SNAP91: variants seen among roughly 807,000 people sequenced by gnomAD.
SNAP91 encodes the protein synaptosome associated protein 91, also known as clathrin coat assembly protein AP180.
Under a neutral mutation model 100.3 loss-of-function variants are expected in SNAP91, and 27 were observed. That is an observed-to-expected ratio of 0.27 (90% CI 0.20 to 0.37). SNAP91 has a LOEUF of 0.37. Ranked by LOEUF, SNAP91 falls within the 10% of genes least tolerant of loss-of-function variation. The pLI, the probability that SNAP91 is intolerant of heterozygous loss-of-function variation, is 1.00. For synonymous variants in SNAP91, 404 were observed against 398.6 expected (o/e 1.01, Z -0.16); for missense variants, 986 against 1,123.7 (o/e 0.88, Z 1.75).
intron 2 of SNAP91, among the ~76,000 whole-genome samples, chr6:83,688,394 C>A (rs2099088411): frequency 6.6e-6 from 1 of 152,132 alleles, no homozygotes; most frequent in Non-Finnish European, 1.5e-5. Flanking sequence ...ATTCTTTCTA[C>A]AAAGCCCCAA....
chr6:83,630,046 C>T (rs116648639), intron 8 of SNAP91, among the ~76,000 whole-genome samples: 4,052 of 151,892 alleles, frequency 0.027, 182 homozygotes, highest in African/African-American at 0.09. Context: ...TTTTGCTAAG[C>T]GTTTTAATCA....
intron 22 of SNAP91, among the ~76,000 whole-genome samples, chr6:83,587,035 AAAG>A (rs2092774858): frequency 6.6e-6 from 1 of 152,306 alleles, no homozygotes; most frequent in African/African-American, 2.4e-5. Context: ...GAATTTGAAT[AAAG>A]AAGAATAGTT....
At chr6:83,708,157 A>G in intron 1 of SNAP91, 200 bp from the exon 2 acceptor site, 1 of 480,136 alleles carries the variant, frequency 2.1e-6, no homozygotes. Flanking sequence ...TAGGGCCGTC[A>G]CGGAACCCCA....
intron 28 of SNAP91, among the ~76,000 whole-genome samples, chr6:83,558,820 T>A (rs1392345758): frequency 2.0e-5 from 3 of 152,184 alleles, no homozygotes; most frequent in Admixed American, 2.0e-4. Flanking sequence ...GTCCTGCCCA[T>A]CCAAGTCAAT....
chr6:83,659,223 T>G, intron 5 of SNAP91, 131 bp from the exon 6 acceptor site: 2 of 682,644 alleles, frequency 2.9e-6, no homozygotes, highest in Non-Finnish European at 2.4e-6. Context: ...ATTTGAGGTA[T>G]TACAAGGTTG....
intron 14 of SNAP91, among the ~76,000 whole-genome samples, chr6:83,603,560 C>T (rs1010701721): frequency 6.6e-6 from 1 of 150,420 alleles, no homozygotes; most frequent in African/African-American, 2.4e-5. Flanking sequence ...TCAGTGAGTT[C>T]GTTTTACTGT....
intron 7 of SNAP91, among the ~76,000 whole-genome samples, chr6:83,648,055 G>C (rs780164232): frequency 6.6e-6 from 1 of 152,184 alleles, no homozygotes; most frequent in African/African-American, 2.4e-5. Flanking sequence ...TAAAACCACA[G>C]CAGTACAGAA....
At chr6:83,677,809 G>T (rs1386953763) in intron 2 of SNAP91, among the ~76,000 whole-genome samples, 2 of 152,082 alleles carry the variant, frequency 1.3e-5, no homozygotes, top group Non-Finnish European at 2.9e-5. Context: ...TGTGCTTTAA[G>T]AATCAGAAAT....
intron 26 of SNAP91, among the ~76,000 whole-genome samples, chr6:83,571,586 C>G (rs1807881040): frequency 6.6e-6 from 1 of 152,164 alleles, no homozygotes; most frequent in Admixed American, 6.5e-5. Context: ...GCCTGTACCC[C>G]CATTGTATCT....
intron 2 of SNAP91, among the ~76,000 whole-genome samples, chr6:83,701,570 C>T (rs1458847027): frequency 6.6e-6 from 1 of 152,082 alleles, no homozygotes; most frequent in Admixed American, 6.5e-5. Flanking sequence ...CCTCAGCCTC[C>T]TGAGTAGCTG....
intron 2 of SNAP91, among the ~76,000 whole-genome samples, chr6:83,706,838 A>C (rs1354760482): frequency 6.6e-6 from 1 of 152,258 alleles, no homozygotes; most frequent in Non-Finnish European, 1.5e-5. Context: ...CAAGAGAACT[A>C]AATAGCAACT....
intron 24 of SNAP91, among the ~76,000 whole-genome samples, chr6:83,577,143 G>T (rs1277719728): frequency 6.6e-6 from 1 of 152,172 alleles, no homozygotes; most frequent in Non-Finnish European, 1.5e-5. Context: ...ATTCATAGAA[G>T]TGAGACTTGG....
chr6:83,669,011 T>C (rs2098736893), intron 2 of SNAP91, among the ~76,000 whole-genome samples: 1 of 151,998 alleles, frequency 6.6e-6, no homozygotes, highest in African/African-American at 2.4e-5. Flanking sequence ...TAGCCTATAG[T>C]TGGGCAAAGT....
rs922188034 is a variant in SNAP91 at position 83,567,067 on chromosome 6, T to C, written c.2443-6120A>G. On this transcript the variant is annotated intron_variant, in intron 26 of 29. Coordinates refer to ENST00000369694, the MANE Select transcript of SNAP91 (RefSeq NM_001242792.2). ...AATCCTCCTGCCTCAGCCTCTCATA[T>C]AGCTCTTACTACAGGCATGTGCCAC... 6.6e-5 allele frequency among the ~76,000 whole-genome samples: 10 copies of C among 152,144 alleles called. No individual in the cohort carries two copies. The South Asian group carries it at 1.4e-3, about 22-fold the overall frequency.
At chr6:83,706,178 C>T (rs753667110) in intron 2 of SNAP91, among the ~76,000 whole-genome samples, 6 of 152,192 alleles carry the variant, frequency 3.9e-5, no homozygotes, top group Non-Finnish European at 8.8e-5. Flanking sequence ...TGAAATATAT[C>T]AGTATACTGA....
Position 83,650,376 on chromosome 6 carries a change from T to C in SNAP91, c.658+6378A>G, listed in dbSNP as rs1386177085. Among the ~76,000 whole-genome samples the C allele has an allele frequency of 2.6e-5, 4 of 152,328 alleles. No individual in the cohort carries two copies. In the East Asian group the frequency reaches 7.7e-4, roughly 29 times the overall value. ...ACATAATACAAGATACAGGCAGATC[T>C]GAGAATATTAGCTATTTAATAGCCT... On this transcript the variant is annotated intron_variant, in intron 7 of 29. Coordinates refer to ENST00000369694, the MANE Select transcript of SNAP91 (RefSeq NM_001242792.2).
chr6:83,628,040 T>C (rs1211901722), intron 8 of SNAP91, among the ~76,000 whole-genome samples: 1 of 151,566 alleles, frequency 6.6e-6, no homozygotes, highest in African/African-American at 2.4e-5. Context: ...TCAAAGCCCA[T>C]TGTGTCATTC....
intron 22 of SNAP91, among the ~76,000 whole-genome samples, chr6:83,587,036 A>G (rs1417668460): frequency 6.6e-6 from 1 of 152,196 alleles, no homozygotes; most frequent in Non-Finnish European, 1.5e-5. Context: ...AATTTGAATA[A>G]AGAAGAATAG....
Position 83,593,356 on chromosome 6 carries a change from A to C in SNAP91, c.1697-97T>G, listed in dbSNP as rs189295984. ...TTAATTAGCACTTTGAAGAACTCTG[A>C]ATTAAGCAGCAAATGGTTTCTAGAG... On this transcript the variant is annotated intron_variant, in intron 18 of 29. Transcript: ENST00000369694. 1.6e-5 allele frequency: 25 copies of C among 1,516,634 alleles called. No homozygotes were observed. The Admixed American group carries it at 4.2e-4, about 26-fold the overall frequency. The allele number at this position is 1,516,634 out of a possible 1,614,324, so 93.9% of individuals were successfully genotyped here.
Sources: gnomAD v4.1 joint callset for allele counts (sites outside exome capture counted in the v4.1 genomes callset) on GRCh38, gnomAD v4.1.1 for gene constraint, MANE v1.5 for transcripts, NCBI Gene and HGNC (gene_info 2026-07-23, HGNC 2026-07-21) for gene names.